The following PRELID2 variants were observed in gnomAD, a reference collection of about 807,000 sequenced individuals.
The protein encoded by PRELID2 is PRELI domain containing 2, also known as PRELI domain-containing protein 2.
In PRELID2, 25 loss-of-function variants were observed where a neutral mutation model predicts 28.4. That is an observed-to-expected ratio of 0.88 (90% CI 0.64 to 1.23). PRELID2 has a LOEUF of 1.23. PRELID2 is among the 50% of genes most tolerant of loss of function. The probability of loss-of-function intolerance (pLI) is 0.00; values close to 1 mark genes in which losing one functional copy is unlikely to be tolerated. For synonymous variants in PRELID2, 76 were observed against 71.6 expected, an observed-to-expected ratio of 1.06 and a Z score of -0.31; for missense variants, 201 against 214.4, an observed-to-expected ratio of 0.94 and a Z score of 0.39.
intron 1 of PRELID2, among the ~76,000 whole-genome samples, chr5:145,481,678 G>GAAA (rs1752163623): frequency 9.2e-6 from 1 of 108,142 alleles, no homozygotes; most frequent in East Asian, 2.6e-4. Flanking sequence ...AAGAAAGAAA[G>GAAA]GAAATCATAG....
the PRELID2 span, among the ~76,000 whole-genome samples, chr5:145,399,278 G>A: frequency 6.6e-6 from 1 of 152,056 alleles, no homozygotes; most frequent in African/African-American, 2.4e-5. Flanking sequence ...ATGGGGGTTG[G>A]AAATCCAGCA....
chr5:145,736,328 T>C (rs1448895260), intron 1 of PRELID2, among the ~76,000 whole-genome samples: 1 of 152,220 alleles, frequency 6.6e-6, no homozygotes, highest in Non-Finnish European at 1.5e-5. Context: ...TCTTATTTAT[T>C]CTTCATTGTC....
chr5:145,790,965 T>C (rs985350766), intron 5 of PRELID2, among the ~76,000 whole-genome samples: 1 of 151,598 alleles, frequency 6.6e-6, no homozygotes, highest in East Asian at 1.9e-4. Flanking sequence ...CCCATGTTTA[T>C]AGCAGTATTA....
Position 145,658,147 on chromosome 5 carries a change from T to C in PRELID2, n.70+106784A>G, listed in dbSNP as rs116897538. ...TGCAAAAAAGATAAGCCAATGGCCA[T>C]GCTCTAAAATCATCTCCTTTTATTA... On this transcript the variant is annotated intron_variant and non_coding_transcript_variant, in intron 1 of 2. Transcript: ENST00000510259. 7.9e-5 allele frequency among the ~76,000 whole-genome samples: 12 copies of C among 152,314 alleles called. No homozygotes were observed. The East Asian group carries it at 1.9e-3, about 24-fold the overall frequency.
intron 1 of PRELID2, among the ~76,000 whole-genome samples, chr5:145,661,848 A>T (rs1754501374): frequency 2.0e-5 from 3 of 151,948 alleles, no homozygotes; most frequent in Admixed American, 1.3e-4. Context: ...GAAATAATAT[A>T]AAAAAATAGA....
intron 1 of PRELID2, among the ~76,000 whole-genome samples, chr5:145,646,521 G>A (rs775055517): frequency 4.6e-5 from 7 of 152,096 alleles, no homozygotes; most frequent in Non-Finnish European, 1.0e-4. Context: ...TCCACCTTCT[G>A]AAGCCTACTT....
chr5:145,557,305 G>A (rs943137795), intron 1 of PRELID2, among the ~76,000 whole-genome samples: 1 of 152,202 alleles, frequency 6.6e-6, no homozygotes, highest in African/African-American at 2.4e-5. Context: ...CTTATGAAAG[G>A]TACTGATATG....
the PRELID2 span, among the ~76,000 whole-genome samples, chr5:145,240,936 G>T: frequency 1.8e-4 from 28 of 152,076 alleles, no homozygotes; most frequent in East Asian, 1.6e-3. Flanking sequence ...CAGATTATTT[G>T]ATCTCCTATG....
chr5:145,276,378 T>TTTG, the PRELID2 span, among the ~76,000 whole-genome samples: 2 of 152,150 alleles, frequency 1.3e-5, no homozygotes, highest in African/African-American at 4.8e-5. Flanking sequence ...AGCCTGTTGT[T>TTTG]TCACATGGTC....
intron 1 of PRELID2, among the ~76,000 whole-genome samples, chr5:145,664,856 T>C (rs558811545): frequency 6.6e-6 from 1 of 152,214 alleles, no homozygotes; most frequent in Non-Finnish European, 1.5e-5. Flanking sequence ...CTGAGATCCA[T>C]ATCTCATTTC....
intron 1 of PRELID2, among the ~76,000 whole-genome samples, chr5:145,617,155 T>C (rs1023201452): frequency 1.3e-5 from 2 of 152,198 alleles, no homozygotes; most frequent in African/African-American, 4.8e-5. Flanking sequence ...TGCCCAGATT[T>C]CATATTGTTC....
At chr5:145,733,644 T>C (rs1756412345) in intron 1 of PRELID2, among the ~76,000 whole-genome samples, 1 of 152,228 alleles carries the variant, frequency 6.6e-6, no homozygotes, top group African/African-American at 2.4e-5. Context: ...ATTTTACACT[T>C]AGCCAGCCCA....
chr5:145,718,684 C>T (rs1314478106), intron 1 of PRELID2, among the ~76,000 whole-genome samples: 1 of 151,692 alleles, frequency 6.6e-6, no homozygotes, highest in Admixed American at 6.6e-5. Flanking sequence ...AATAGACCAA[C>T]GGAACAGAAT....
the PRELID2 span, among the ~76,000 whole-genome samples, chr5:145,431,566 C>T: frequency 1.3e-5 from 2 of 152,186 alleles, no homozygotes; most frequent in African/African-American, 4.8e-5. Context: ...AAATCATGCA[C>T]CACCTGATAG....
intron 1 of PRELID2, among the ~76,000 whole-genome samples, chr5:145,502,565 T>C (rs772200511): frequency 1.3e-5 from 2 of 152,188 alleles, no homozygotes; most frequent in African/African-American, 2.4e-5. Context: ...ATTACTCATA[T>C]GGAAAATTAC....
the PRELID2 span, among the ~76,000 whole-genome samples, chr5:145,449,774 A>G: frequency 6.6e-6 from 1 of 152,084 alleles, no homozygotes; most frequent in Non-Finnish European, 1.5e-5. Context: ...TCCCCTTCAC[A>G]GTGATTATTG....
In PRELID2 at chr5:145,757,372, C is replaced by T. The variant is rs78279669; in HGVS notation, c.*3164G>A. Among the ~76,000 whole-genome samples the T allele has an allele frequency of 5.4e-3, 825 of 152,264 alleles. 13 individuals carry two copies. The highest frequency in any genetic ancestry group is 0.018 in the African/African-American group (746 of 41,552). ...TCCTGAATGATCAACTGAAATTCCA[C>T]GAATCAGAATCGCTGGGGAAAGGGA... is the stretch of plus-strand genomic sequence containing the variant. On this transcript the variant is annotated 3_prime_UTR_variant, in exon 7 of 7. Coordinates refer to ENST00000683046, the MANE Select transcript of PRELID2 (RefSeq NM_205846.3).
chr5:145,826,852 C>T (rs149606959), intron 1 of PRELID2, among the ~76,000 whole-genome samples: 4 of 146,670 alleles, frequency 2.7e-5, no homozygotes, highest in African/African-American at 5.1e-5. Context: ...TCATATTTGC[C>T]GAGGGAAAAA....
At chr5:145,274,937 C>T in the PRELID2 span, among the ~76,000 whole-genome samples, 369 of 152,212 alleles carry the variant, frequency 2.4e-3, 1 homozygote, top group African/African-American at 8.6e-3. Context: ...TTGATTTCTT[C>T]TGAGGCCTCT....
Sources: gnomAD v4.1 joint callset for allele counts (sites outside exome capture counted in the v4.1 genomes callset) on GRCh38, gnomAD v4.1.1 for gene constraint, MANE v1.5 for transcripts, NCBI Gene and HGNC (gene_info 2026-07-23, HGNC 2026-07-21) for gene names.